The following SMYD3 variants were observed in gnomAD, a reference collection of about 807,000 sequenced individuals.
SMYD3 encodes the protein SET and MYND domain containing 3, also known as histone-lysine N-methyltransferase SMYD3.
SMYD3 carries 36 observed loss-of-function variants against 57.7 expected under a neutral mutation model. The observed-to-expected ratio is 0.62, with a 90% CI of 0.48 to 0.82. The LOEUF is 0.82. SMYD3 is among the 40% of genes least tolerant of loss of function. The pLI is 0.00. For missense variants in SMYD3, 515 were observed against 538.8 expected (o/e 0.96, Z 0.44); for synonymous variants, 211 against 195.0 (o/e 1.08, Z -0.68).
At chr1:245,806,880 G>A (rs2048192026) in intron 10 of SMYD3, among the ~76,000 whole-genome samples, 2 of 118,250 alleles carry the variant, frequency 1.7e-5, no homozygotes, top group Admixed American at 1.2e-4. Flanking sequence ...ACTGCAGTCC[G>A]CAATCCGGCC....
chr1:246,483,142 C>A (rs912295887), intron 1 of SMYD3, among the ~76,000 whole-genome samples: 1 of 152,146 alleles, frequency 6.6e-6, no homozygotes, highest in Non-Finnish European at 1.5e-5. Context: ...TAAAAATGTT[C>A]CTTTTTAAGT....
At position 245,858,581 on chromosome 1, in the gene SMYD3, G is replaced by T; in HGVS notation, c.991C>A (p.Leu331Ile). Reference sequence around the variant, plus strand: ...ATGCAGGCATCCATGGCGCAGTCGAGCACCTTCAGCTGGTAGATGTTGATA... The same window carrying T: ...ATGCAGGCATCCATGGCGCAGTCGATCACCTTCAGCTGGTAGATGTTGATA... ...PDINIYQLKV[L>I]DCAMDACINL... The change falls in exon 10 of 12, where the codon CTC (leucine) becomes ATC (isoleucine). Residue 331 changes from leucine (L) to isoleucine (I), a missense_variant. Transcript: ENST00000490107. The T allele has an allele frequency of 1.9e-6, 3 of 1,614,200 alleles. No individual in the cohort carries two copies. The highest frequency in any genetic ancestry group is 1.7e-6 in the Non-Finnish European group (2 of 1,180,028).
At chr1:245,915,126 T>C (rs1400349309) in intron 8 of SMYD3, among the ~76,000 whole-genome samples, 1 of 152,208 alleles carries the variant, frequency 6.6e-6, no homozygotes, top group Non-Finnish European at 1.5e-5. Context: ...TGATTTTATT[T>C]TAAAAAACAT....
chr1:246,277,331 A>C (rs1176375037), intron 5 of SMYD3, among the ~76,000 whole-genome samples: 1 of 152,232 alleles, frequency 6.6e-6, no homozygotes, highest in African/African-American at 2.4e-5. Flanking sequence ...CACTGTTACA[A>C]TGGCTAAAAT....
chr1:246,239,561 G>A (rs891167423), intron 5 of SMYD3, among the ~76,000 whole-genome samples: 3 of 152,182 alleles, frequency 2.0e-5, no homozygotes, highest in Non-Finnish European at 4.4e-5. Flanking sequence ...ACGTGTGCAT[G>A]TGTCTTTATA....
chr1:246,463,833 CAAAAAAAAA>C (rs35826530), intron 1 of SMYD3, among the ~76,000 whole-genome samples: 4 of 70,488 alleles, frequency 5.7e-5, no homozygotes, highest in Admixed American at 2.2e-4. Flanking sequence ...GACCCCGTCT[CAAAAAAAAA>C]AAAAAAAAAA....
intron 5 of SMYD3, among the ~76,000 whole-genome samples, chr1:246,093,510 C>T (rs2060857451): frequency 1.3e-5 from 2 of 152,066 alleles, no homozygotes; most frequent in African/African-American, 4.8e-5. Flanking sequence ...GTGAAATAAT[C>T]CAGGCACAGA....
intron 5 of SMYD3, among the ~76,000 whole-genome samples, chr1:246,306,208 G>A (rs1295802704): frequency 1.3e-5 from 2 of 152,140 alleles, no homozygotes; most frequent in Non-Finnish European, 2.9e-5. Context: ...GCGTGGTGGC[G>A]CCTGCCTGTA....
chr1:246,204,383 T>C (rs2062965512), intron 5 of SMYD3, among the ~76,000 whole-genome samples: 1 of 152,238 alleles, frequency 6.6e-6, no homozygotes, highest in South Asian at 2.1e-4. Context: ...GCTTCCCTTC[T>C]CAAGTGTGAG....
intron 5 of SMYD3, among the ~76,000 whole-genome samples, chr1:246,288,062 C>CTTTTTTTTTTTTTTTTTTTT (rs67603439): frequency 3.1e-5 from 2 of 64,208 alleles, no homozygotes; most frequent in African/African-American, 6.7e-5. Context: ...TCAGGTAATT[C>CTTTTTTTTTTTTTTTTTTTT]TTTTTTTTTT....
intron 5 of SMYD3, among the ~76,000 whole-genome samples, chr1:246,285,797 G>C (rs1158596656): frequency 6.6e-6 from 1 of 151,766 alleles, no homozygotes; most frequent in South Asian, 2.1e-4. Context: ...AAATTAGCAA[G>C]AAAAAAACAA....
At chr1:246,325,972 T>C (rs2065342747) in intron 5 of SMYD3, 1 of 159,284 alleles carries the variant, frequency 6.3e-6, no homozygotes, top group South Asian at 1.9e-4. Context: ...CTGTAAGAAA[T>C]CAGTAAATTT....
rs187084050 is a variant in SMYD3 at position 246,500,482 on chromosome 1, G to A, written c.164+6572C>T. Among the ~76,000 whole-genome samples, 199 of 152,234 alleles carry A rather than the reference G, an allele frequency of 1.3e-3. 2 individuals are homozygous for A. Among genetic ancestry groups the A allele is most frequent in the Middle Eastern group, 6.8e-3 (2 of 294 alleles). Reference sequence around the variant, plus strand: ...ACAGGGAAGACAAATCCAAGTACAGGAAAAAAATTGATATTCCAACTGACT... The same window carrying A: ...ACAGGGAAGACAAATCCAAGTACAGAAAAAAAATTGATATTCCAACTGACT... On this transcript the variant is annotated intron_variant, in intron 1 of 11. Transcript: ENST00000490107.
At chr1:246,299,049 G>A (rs997732070) in intron 5 of SMYD3, among the ~76,000 whole-genome samples, 1 of 152,022 alleles carries the variant, frequency 6.6e-6, no homozygotes, top group African/African-American at 2.4e-5. Flanking sequence ...GCACAACCTG[G>A]CAACATATAT....
rs1411438907 is a variant in SMYD3 at position 246,314,309 on chromosome 1, G to A, written c.531+12892C>T. 5.9e-5 allele frequency among the ~76,000 whole-genome samples: 9 copies of A among 152,130 alleles called. No homozygotes were observed. In the East Asian group the frequency reaches 1.7e-3, roughly 29 times the overall value. ...ATGGTCCATAATTAGGGCTCTAACA[G>A]AGAACTAATATAACACAGAATGCAG... On this transcript the variant is annotated intron_variant, in intron 5 of 11. Transcript: ENST00000490107.
chr1:246,396,242 G>A (rs901610719), intron 1 of SMYD3, among the ~76,000 whole-genome samples: 8 of 152,246 alleles, frequency 5.3e-5, no homozygotes, highest in African/African-American at 7.2e-5. Flanking sequence ...ATAGGTATAC[G>A]TACATCAATA....
Position 246,202,044 on chromosome 1 carries a change from A to C in SMYD3, c.531+125157T>G, listed in dbSNP as rs2062930821. 6.6e-6 allele frequency among the ~76,000 whole-genome samples: 1 copy of C among 151,942 alleles called. No homozygotes were observed. The highest frequency in any genetic ancestry group is 1.5e-5 in the Non-Finnish European group (1 of 67,992). On this transcript the variant is annotated intron_variant, in intron 5 of 11. Coordinates refer to ENST00000490107, the MANE Select transcript of SMYD3 (RefSeq NM_001167740.2). The surrounding 1 kb of genome is among the most constrained non-coding windows in gnomAD (Gnocchi z 4.1). ...AAAAAAACAAAAAAAAGCCATTTTTAAATGATTTATACTGATACATACATA... is the reference window on the plus strand; with the variant it reads ...AAAAAAACAAAAAAAAGCCATTTTTCAATGATTTATACTGATACATACATA...
At chr1:245,933,220 A>G (rs1306890967) in intron 5 of SMYD3, among the ~76,000 whole-genome samples, 1 of 152,220 alleles carries the variant, frequency 6.6e-6, no homozygotes, top group Non-Finnish European at 1.5e-5. Flanking sequence ...TTCTTAGGGA[A>G]TTGCACAGGT....
rs2787996 is a variant in SMYD3 at position 246,069,548 on chromosome 1, T to C, written c.532-139611A>G. 2.2e-3 allele frequency among the ~76,000 whole-genome samples: 339 copies of C among 152,326 alleles called. 2 individuals carry two copies. The highest frequency in any genetic ancestry group is 7.2e-3 in the African/African-American group (301 of 41,580). ...CATAAGTTCCTAAATGCATGTATGATTGTTTGTAATTACTTAATATTAATA... is the reference window on the plus strand; with the variant it reads ...CATAAGTTCCTAAATGCATGTATGACTGTTTGTAATTACTTAATATTAATA... On this transcript the variant is annotated intron_variant, in intron 5 of 11. Transcript: ENST00000490107.
Sources: allele counts gnomAD v4.1 joint callset (sites outside exome capture counted in the v4.1 genomes callset), GRCh38; gene constraint gnomAD v4.1.1; non-coding constraint Gnocchi (gnomAD v3.1); transcripts MANE v1.5; gene names NCBI Gene and HGNC (gene_info 2026-07-23, HGNC 2026-07-21).